PTPRN2: variants seen among roughly 807,000 people sequenced by gnomAD.
PTPRN2 encodes protein tyrosine phosphatase receptor type N2, also known as receptor-type tyrosine-protein phosphatase N2.
A neutral mutation model predicts 118.8 loss-of-function variants in PTPRN2; 74 were observed. The observed-to-expected ratio is 0.62, with a 90% confidence interval of 0.52 to 0.76. The LOEUF is 0.76. Ranked by LOEUF, PTPRN2 falls within the 30% of genes least tolerant of loss-of-function variation. The probability of loss-of-function intolerance (pLI) is 0.00; values close to 1 mark genes in which losing one functional copy is unlikely to be tolerated. For synonymous variants in PTPRN2, 641 were observed against 608.0 expected (o/e 1.05, Z -0.80); for missense variants, 1,481 against 1,394.4 (o/e 1.06, Z -0.99).
chr7:157,805,374 C>T (rs951937809), intron 12 of PTPRN2, among the ~76,000 whole-genome samples: 2 of 151,898 alleles, frequency 1.3e-5, no homozygotes, highest in African/African-American at 4.8e-5. Flanking sequence ...GATCGCAGCT[C>T]ATCAGGAATG....
At chr7:158,279,880 T>A (rs1459616763) in intron 3 of PTPRN2, among the ~76,000 whole-genome samples, 1 of 152,026 alleles carries the variant, frequency 6.6e-6, no homozygotes, top group Non-Finnish European at 1.5e-5. Context: ...TAGCACGTTA[T>A]CACCTCTCAA....
chr7:158,070,596 TG>T (rs1232683297), intron 11 of PTPRN2, among the ~76,000 whole-genome samples: 7 of 120,338 alleles, frequency 5.8e-5, no homozygotes, highest in Non-Finnish European at 9.9e-5. Flanking sequence ...GAGGTGCCTG[TG>T]GTGGAGGTGC....
At chr7:158,488,610 G>A (rs562761543) in intron 2 of PTPRN2, among the ~76,000 whole-genome samples, 3 of 152,338 alleles carry the variant, frequency 2.0e-5, no homozygotes, top group African/African-American at 7.2e-5. Context: ...ACCAGTGCAG[G>A]GGAGGCCTGT....
intron 11 of PTPRN2, among the ~76,000 whole-genome samples, chr7:158,010,771 T>C (rs1375160804): frequency 1.3e-5 from 2 of 152,238 alleles, no homozygotes; most frequent in African/African-American, 4.8e-5. Context: ...TCTGCTGCCT[T>C]ACACACAGTA....
chr7:157,698,316 C>T (rs1018088608), intron 12 of PTPRN2, among the ~76,000 whole-genome samples: 1 of 152,182 alleles, frequency 6.6e-6, no homozygotes, highest in African/African-American at 2.4e-5. Context: ...AAATCACCAA[C>T]ACAACTCAGC....
chr7:158,484,573 G>C (rs538281080), intron 2 of PTPRN2, among the ~76,000 whole-genome samples: 1 of 152,310 alleles, frequency 6.6e-6, no homozygotes, highest in African/African-American at 2.4e-5. Context: ...ATGTTGGCCA[G>C]GCTGGCCGTG....
At chr7:157,588,023 C>T (rs1025090434) in intron 17 of PTPRN2, among the ~76,000 whole-genome samples, 2 of 151,650 alleles carry the variant, frequency 1.3e-5, no homozygotes, top group South Asian at 2.1e-4. Context: ...TGGCTGTCCC[C>T]GTGCCTGGGC....
At chr7:158,119,578 T>C (rs968649316) in intron 9 of PTPRN2, among the ~76,000 whole-genome samples, 2 of 151,970 alleles carry the variant, frequency 1.3e-5, no homozygotes, top group Non-Finnish European at 2.9e-5. Flanking sequence ...GTGTTTTAGG[T>C]ACCTGAGGTA....
At chr7:158,344,725 C>T (rs147117661) in intron 2 of PTPRN2, among the ~76,000 whole-genome samples, 275 of 152,190 alleles carry the variant, frequency 1.8e-3, no homozygotes, top group African/African-American at 6.2e-3. Flanking sequence ...ACAGAAATGA[C>T]GCTCTGACGG....
intron 2 of PTPRN2, among the ~76,000 whole-genome samples, chr7:158,367,275 G>A (rs1296568033): frequency 2.0e-5 from 3 of 152,222 alleles, no homozygotes; most frequent in Admixed American, 1.3e-4. Flanking sequence ...CAGGCCTCTG[G>A]TCCACACACA....
At chr7:157,556,536 G>A (rs527696004) in intron 21 of PTPRN2, among the ~76,000 whole-genome samples, 34 of 136,192 alleles carry the variant, frequency 2.5e-4, no homozygotes, top group African/African-American at 9.0e-4. Context: ...CACAACACTC[G>A]CATCCACCCT....
intron 11 of PTPRN2, among the ~76,000 whole-genome samples, chr7:158,080,603 G>C (rs1173425696): frequency 6.8e-6 from 1 of 147,584 alleles, no homozygotes; most frequent in African/African-American, 2.5e-5. Context: ...AAGGCAGGTT[G>C]AGGAAAATGC....
intron 5 of PTPRN2, among the ~76,000 whole-genome samples, chr7:158,170,380 C>T (rs1396706053): frequency 6.6e-6 from 1 of 152,208 alleles, no homozygotes; most frequent in Non-Finnish European, 1.5e-5. Flanking sequence ...TAACCTGGAG[C>T]TTCCACGCAA....
At chr7:157,993,465 C>T (rs572643061) in intron 11 of PTPRN2, among the ~76,000 whole-genome samples, 33 of 152,066 alleles carry the variant, frequency 2.2e-4, no homozygotes, top group African/African-American at 6.3e-4. Context: ...ATTTCCATGA[C>T]GCGTCCACCC....
At chr7:158,092,044 G>A (rs1443855735) in intron 10 of PTPRN2, among the ~76,000 whole-genome samples, 1 of 141,506 alleles carries the variant, frequency 7.1e-6, no homozygotes, top group Non-Finnish European at 1.5e-5. Flanking sequence ...GGGTGGGTGA[G>A]GGATAGGTGA....
intron 12 of PTPRN2, among the ~76,000 whole-genome samples, chr7:157,738,583 A>T (rs959236111): frequency 2.6e-5 from 4 of 152,266 alleles, no homozygotes; most frequent in African/African-American, 9.6e-5. Flanking sequence ...GCTGACGCTT[A>T]GGACAAAATC....
intron 15 of PTPRN2, among the ~76,000 whole-genome samples, chr7:157,612,767 G>A (rs1672896322): frequency 6.6e-6 from 1 of 152,318 alleles, no homozygotes; most frequent in South Asian, 2.1e-4. Context: ...TGTGGAAAAC[G>A]CCCAAACAGC....
chr7:157,622,241 C>T lies in PTPRN2; in HGVS notation c.2197-732G>A, dbSNP rs779002524. ...TGCACTATGGCACCACAGGAAGTGA[C>T]GGCCTCGTCTGCTGTCACTCTGCTT... On this transcript the variant is annotated intron_variant, in intron 14 of 22. Transcript: ENST00000389418. The surrounding 1 kb of genome is among the most constrained non-coding windows in gnomAD (Gnocchi z 5.3). 3.3e-5 allele frequency among the ~76,000 whole-genome samples: 5 copies of T among 152,010 alleles called. No individual in the cohort carries two copies. Among genetic ancestry groups the T allele is most frequent in the African/African-American group, 4.8e-5 (2 of 41,384 alleles).
At chr7:157,952,683 G>T (rs1800912541) in intron 11 of PTPRN2, among the ~76,000 whole-genome samples, 1 of 152,118 alleles carries the variant, frequency 6.6e-6, no homozygotes, top group African/African-American at 2.4e-5. Flanking sequence ...CTGAGAAACT[G>T]GGTCTGTCAG....
Sources: allele counts gnomAD v4.1 joint callset (sites outside exome capture counted in the v4.1 genomes callset), GRCh38; gene constraint gnomAD v4.1.1; non-coding constraint Gnocchi (gnomAD v3.1); transcripts MANE v1.5; gene names NCBI Gene and HGNC (gene_info 2026-07-23, HGNC 2026-07-21).